The following OCA2 variants were observed in gnomAD, a reference collection of about 807,000 sequenced individuals.
The protein encoded by OCA2 is P protein.
A neutral mutation model predicts 100.2 loss-of-function variants in OCA2; 77 were observed. That is an observed-to-expected ratio of 0.77 (90% CI 0.64 to 0.93). The LOEUF (loss-of-function observed/expected upper bound fraction) is 0.93. Among genes scored for constraint, OCA2 ranks in the 40% least tolerant of loss-of-function variants. The probability of loss-of-function intolerance (pLI) is 0.00; values close to 1 mark genes in which losing one functional copy is unlikely to be tolerated. For missense variants in OCA2, 1,062 were observed against 1,089.1 expected (o/e 0.98, Z 0.35); for synonymous variants, 432 against 439.2 (o/e 0.98, Z 0.21).
chr15:27,723,880 G>C, the OCA2 span, among the ~76,000 whole-genome samples: 8 of 152,148 alleles, frequency 5.3e-5, no homozygotes, highest in Non-Finnish European at 1.2e-4. Flanking sequence ...ACCAAAACCA[G>C]GACACAGCCT....
At chr15:27,757,889 T>G (rs1277304601) in intron 23 of OCA2, among the ~76,000 whole-genome samples, 1 of 152,158 alleles carries the variant, frequency 6.6e-6, no homozygotes, top group Non-Finnish European at 1.5e-5. Context: ...ACCTCCCTGG[T>G]GCATGAGTTG....
intron 1 of OCA2, 80 bp from the exon 2 acceptor site, chr15:28,081,975 G>A (rs2044648555): frequency 1.7e-6 from 2 of 1,185,534 alleles, no homozygotes; most frequent in Non-Finnish European, 2.4e-6. Context: ...CCGTACAATA[G>A]GAAGGTTGCT....
At chr15:27,915,591 C>A (rs2038636876) in intron 19 of OCA2, among the ~76,000 whole-genome samples, 1 of 151,092 alleles carries the variant, frequency 6.6e-6, no homozygotes, top group Non-Finnish European at 1.5e-5. Flanking sequence ...ACATGGCCAA[C>A]AAGCATATGA....
intron 19 of OCA2, among the ~76,000 whole-genome samples, chr15:27,883,996 C>T (rs1001226474): frequency 6.6e-6 from 1 of 152,154 alleles, no homozygotes; most frequent in Non-Finnish European, 1.5e-5. Flanking sequence ...ATGAACTTGA[C>T]TTATTATCTT....
intron 7 of OCA2, among the ~76,000 whole-genome samples, chr15:28,016,595 A>G (rs2042400803): frequency 6.6e-6 from 1 of 152,198 alleles, no homozygotes. Flanking sequence ...CCTGGGCAAC[A>G]GAGCAAGACC....
chr15:27,757,020 C>T (rs768709223), intron 23 of OCA2, among the ~76,000 whole-genome samples: 14 of 152,204 alleles, frequency 9.2e-5, no homozygotes, highest in Non-Finnish European at 2.1e-4. Context: ...CCCTACTCTC[C>T]CTCACAACAC....
At chr15:27,945,447 G>A (rs2039798689) in intron 18 of OCA2, among the ~76,000 whole-genome samples, 2 of 152,312 alleles carry the variant, frequency 1.3e-5, no homozygotes, top group African/African-American at 4.8e-5. Context: ...AACTGGTCAC[G>A]GAGAAGCAAG....
intron 23 of OCA2, among the ~76,000 whole-genome samples, chr15:27,840,969 T>C (rs2035319851): frequency 6.6e-6 from 1 of 152,246 alleles, no homozygotes; most frequent in Admixed American, 6.5e-5. Flanking sequence ...ACTTTTGATT[T>C]GTATAAGAAC....
In OCA2 at chr15:27,989,591, C is replaced by G; in HGVS notation, c.1182+10G>C. On this transcript the variant is annotated intron_variant, in intron 11 of 23. Coordinates refer to ENST00000354638, the MANE Select transcript of OCA2 (RefSeq NM_000275.3). Reference sequence around the variant, plus strand: ...GTGGAGCCCAGTCCCACGGGGAGAGCTGTAATTACCATGCCAAACAGCAGG... The same window carrying G: ...GTGGAGCCCAGTCCCACGGGGAGAGGTGTAATTACCATGCCAAACAGCAGG... 1 of 1,613,080 alleles carries G rather than the reference C, an allele frequency of 6.2e-7. No individual in the cohort carries two copies. Among genetic ancestry groups the G allele is most frequent in the Non-Finnish European group, 8.5e-7 (1 of 1,179,088 alleles).
intron 23 of OCA2, among the ~76,000 whole-genome samples, chr15:27,771,537 A>C (rs1264996282): frequency 1.3e-5 from 2 of 152,182 alleles, no homozygotes; most frequent in Non-Finnish European, 2.9e-5. Context: ...TGCAGGGGTG[A>C]CTTTGAGACT....
intron 9 of OCA2, among the ~76,000 whole-genome samples, chr15:28,003,922 G>T (rs1008059523): frequency 1.3e-5 from 2 of 152,220 alleles, no homozygotes; most frequent in African/African-American, 4.8e-5. Flanking sequence ...AAGGTGACCT[G>T]AGAGTGATGC....
intron 15 of OCA2, 49 bp downstream of exon 15, chr15:27,966,641 T>C (rs2040575779): frequency 6.2e-7 from 1 of 1,607,600 alleles, no homozygotes; most frequent in African/African-American, 1.3e-5. Flanking sequence ...AAACAAACAA[T>C]ATTATGGTCA....
chr15:27,768,033 G>A (rs1269684397), intron 23 of OCA2, among the ~76,000 whole-genome samples: 2 of 152,296 alleles, frequency 1.3e-5, no homozygotes, highest in African/African-American at 4.8e-5. Context: ...GCTCCAGGAA[G>A]GCCCGGCTTC....
chr15:27,949,404 T>C (rs889421672), intron 18 of OCA2, among the ~76,000 whole-genome samples: 9 of 152,192 alleles, frequency 5.9e-5, no homozygotes, highest in Admixed American at 4.6e-4. Flanking sequence ...AGCTCGTGCC[T>C]GTAATCCCCG....
chr15:27,812,005 A>T (rs1402581543), intron 23 of OCA2, among the ~76,000 whole-genome samples: 1 of 152,232 alleles, frequency 6.6e-6, no homozygotes, highest in Non-Finnish European at 1.5e-5. Flanking sequence ...ACCACTTTTT[A>T]AAAAATGATC....
At chr15:27,737,765 CT>C in the OCA2 span, among the ~76,000 whole-genome samples, 26 of 152,276 alleles carry the variant, frequency 1.7e-4, no homozygotes, top group African/African-American at 6.0e-4. Context: ...AAATTAACAA[CT>C]TTTGTTGCGA....
chr15:27,932,834 AAAAC>A (rs1224285480), intron 18 of OCA2, among the ~76,000 whole-genome samples: 1 of 152,230 alleles, frequency 6.6e-6, no homozygotes. Flanking sequence ...GAAATGTCAC[AAAAC>A]AAACAAGACT....
At chr15:28,063,176 G>A (rs1468427952) in intron 2 of OCA2, among the ~76,000 whole-genome samples, 1 of 152,080 alleles carries the variant, frequency 6.6e-6, no homozygotes, top group Non-Finnish European at 1.5e-5. Flanking sequence ...CTTGTCTCTA[G>A]TAACAATTTT....
At chr15:27,993,642 T>G (rs1028369483) in intron 9 of OCA2, among the ~76,000 whole-genome samples, 14 of 152,174 alleles carry the variant, frequency 9.2e-5, no homozygotes, top group Non-Finnish European at 1.8e-4. Context: ...TCGCTAAGTT[T>G]GCTCCGCCCA....
Sources: allele counts gnomAD v4.1 joint callset (sites outside exome capture counted in the v4.1 genomes callset), GRCh38; gene constraint gnomAD v4.1.1; transcripts MANE v1.5; gene names NCBI Gene and HGNC (gene_info 2026-07-23, HGNC 2026-07-21).